Variants in AGBL4 observed in about 807,000 individuals in gnomAD.
The protein encoded by AGBL4 is cytosolic carboxypeptidase 6.
A neutral mutation model predicts 66.4 loss-of-function variants in AGBL4; 58 were observed. The ratio of observed to expected loss-of-function variants is 0.87; its 90% confidence interval spans 0.71 to 1.09. AGBL4 has a LOEUF of 1.09. Ranked by LOEUF, AGBL4 falls within the 50% of genes least tolerant of loss-of-function variation. The pLI, the probability that AGBL4 is intolerant of heterozygous loss-of-function variation, is 0.00. For missense variants in AGBL4, 579 were observed against 631.0 expected, an observed-to-expected ratio of 0.92 and a Z score of 0.88; for synonymous variants, 234 against 222.9, an observed-to-expected ratio of 1.05 and a Z score of -0.44.
chr1:49,543,819 T>C lies in AGBL4; in HGVS notation c.282+153494A>G, dbSNP rs551818818. 1.0e-3 allele frequency among the ~76,000 whole-genome samples: 152 copies of C among 152,282 alleles called. No homozygotes were observed. The Middle Eastern group carries it at 0.014, about 14-fold the overall frequency. Reference sequence around the variant, plus strand: ...TCCCTGGGCTTTGGGATATGCACTGTGAAAAAGTATCCCCTCGTAACTGTT... The same window carrying C: ...TCCCTGGGCTTTGGGATATGCACTGCGAAAAAGTATCCCCTCGTAACTGTT... On this transcript the variant is annotated intron_variant, in intron 3 of 13. Coordinates refer to ENST00000371839, the MANE Select transcript of AGBL4 (RefSeq NM_032785.4).
intron 4 of AGBL4, among the ~76,000 whole-genome samples, chr1:49,161,314 T>G (rs1463799685): frequency 6.6e-6 from 1 of 152,204 alleles, no homozygotes; most frequent in African/African-American, 2.4e-5. Flanking sequence ...GGGAGTTCCC[T>G]GACCCCTTGC....
intron 5 of AGBL4, among the ~76,000 whole-genome samples, chr1:48,964,523 T>C (rs1658263883): frequency 6.6e-6 from 1 of 152,216 alleles, no homozygotes; most frequent in Non-Finnish European, 1.5e-5. Flanking sequence ...ATTCTTAATA[T>C]GTACCAGACA....
At chr1:48,814,457 A>G (rs1488827705) in intron 6 of AGBL4, among the ~76,000 whole-genome samples, 5 of 152,146 alleles carry the variant, frequency 3.3e-5, no homozygotes, top group African/African-American at 1.2e-4. Context: ...TTTGTGCTGG[A>G]AACATTCAAT....
chr1:49,379,885 T>C (rs1644558431), intron 3 of AGBL4, among the ~76,000 whole-genome samples: 1 of 152,130 alleles, frequency 6.6e-6, no homozygotes, highest in Non-Finnish European at 1.5e-5. Flanking sequence ...AGGATGATGC[T>C]GGCCTCATAA....
intron 3 of AGBL4, among the ~76,000 whole-genome samples, chr1:49,504,849 T>A (rs1370487477): frequency 2.0e-5 from 3 of 152,028 alleles, no homozygotes; most frequent in African/African-American, 4.8e-5. Flanking sequence ...TTCAAGGTAA[T>A]TATTGATAGG....
intron 4 of AGBL4, among the ~76,000 whole-genome samples, chr1:49,149,736 T>A (rs187834247): frequency 1.3e-5 from 2 of 152,288 alleles, no homozygotes; most frequent in Admixed American, 1.3e-4. Flanking sequence ...TAACCAGTGT[T>A]AAGTAAATAG....
chr1:48,726,625 G>A (rs1017337504), intron 6 of AGBL4, among the ~76,000 whole-genome samples: 1 of 152,106 alleles, frequency 6.6e-6, no homozygotes, highest in Non-Finnish European at 1.5e-5. Flanking sequence ...CTGAGAATAA[G>A]TTTAGTTAAC....
intron 3 of AGBL4, among the ~76,000 whole-genome samples, chr1:49,482,179 T>C (rs1290036682): frequency 1.3e-5 from 2 of 152,042 alleles, no homozygotes. Context: ...CTTTTCGATT[T>C]TTTGAAATAG....
At chr1:49,829,458 T>A (rs550955804) in intron 2 of AGBL4, among the ~76,000 whole-genome samples, 13 of 152,220 alleles carry the variant, frequency 8.5e-5, no homozygotes, top group African/African-American at 2.9e-4. Context: ...AAAACAAAAC[T>A]ATCAAATTAC....
intron 2 of AGBL4, among the ~76,000 whole-genome samples, chr1:49,801,695 T>G (rs928796550): frequency 1.3e-5 from 2 of 152,190 alleles, no homozygotes; most frequent in East Asian, 1.9e-4. Flanking sequence ...TCCTAATGAA[T>G]GCTCAAAGAA....
intron 4 of AGBL4, among the ~76,000 whole-genome samples, chr1:49,110,800 T>A (rs1645391193): frequency 6.6e-6 from 1 of 152,206 alleles, no homozygotes; most frequent in African/African-American, 2.4e-5. Context: ...CATATGCATA[T>A]GCTTATTCTT....
chr1:49,794,858 A>G (rs1557453644), intron 2 of AGBL4, among the ~76,000 whole-genome samples: 2 of 152,118 alleles, frequency 1.3e-5, no homozygotes, highest in South Asian at 4.1e-4. Context: ...TAATTCACTC[A>G]TGGCTATTTC....
intron 4 of AGBL4, among the ~76,000 whole-genome samples, chr1:49,046,372 A>G (rs1275668875): frequency 1.3e-5 from 2 of 152,204 alleles, no homozygotes; most frequent in African/African-American, 4.8e-5. Flanking sequence ...ATATTCAAGG[A>G]AAGGGAAATA....
At chr1:49,308,186 A>G (rs1419994258) in intron 3 of AGBL4, among the ~76,000 whole-genome samples, 1 of 152,102 alleles carries the variant, frequency 6.6e-6, no homozygotes, top group Non-Finnish European at 1.5e-5. Context: ...TTGTGAACCA[A>G]TTAAATCTTT....
At chr1:49,346,402 C>T (rs1645634657) in intron 3 of AGBL4, among the ~76,000 whole-genome samples, 1 of 152,122 alleles carries the variant, frequency 6.6e-6, no homozygotes, top group South Asian at 2.1e-4. Context: ...ACTGGAATTG[C>T]CTGGTGATCC....
intron 3 of AGBL4, among the ~76,000 whole-genome samples, chr1:49,383,605 G>A (rs1644669273): frequency 6.6e-6 from 1 of 152,038 alleles, no homozygotes; most frequent in Non-Finnish European, 1.5e-5. Context: ...GTAAAAAAAT[G>A]AGATTGGACA....
intron 4 of AGBL4, among the ~76,000 whole-genome samples, chr1:49,144,225 T>A (rs1437579343): frequency 3.3e-5 from 5 of 152,136 alleles, no homozygotes; most frequent in African/African-American, 1.2e-4. Context: ...TGGCTGATGA[T>A]GGCTATCAGT....
At chr1:49,893,459 T>A (rs553714599) in intron 1 of AGBL4, among the ~76,000 whole-genome samples, 2 of 152,302 alleles carry the variant, frequency 1.3e-5, no homozygotes, top group East Asian at 3.9e-4. Context: ...GGATGGCATT[T>A]CTGGACCAGT....
intron 9 of AGBL4, among the ~76,000 whole-genome samples, chr1:48,595,740 AG>A (rs1443204156): frequency 1.6e-4 from 24 of 152,306 alleles, no homozygotes; most frequent in African/African-American, 5.8e-4. Context: ...CCTAGACACC[AG>A]GGAGGAAATG....
Sources: allele counts gnomAD v4.1 joint callset (sites outside exome capture counted in the v4.1 genomes callset), GRCh38; gene constraint gnomAD v4.1.1; transcripts MANE v1.5; gene names NCBI Gene and HGNC (gene_info 2026-07-23, HGNC 2026-07-21).